Variants in PCCA observed in about 807,000 individuals in gnomAD.
PCCA encodes the protein propionyl-CoA carboxylase subunit alpha, also known as propionyl-CoA carboxylase alpha chain, mitochondrial.
PCCA carries 74 observed loss-of-function variants against 101.3 expected under a neutral mutation model. The observed-to-expected ratio is 0.73, with a 90% CI of 0.61 to 0.89. The LOEUF (loss-of-function observed/expected upper bound fraction) is 0.89, where lower values mean the gene tolerates loss of function less well. PCCA is among the 40% of genes least tolerant of loss of function. The pLI is 0.00. For synonymous variants in PCCA, 294 were observed against 313.6 expected (o/e 0.94, Z 0.66); for missense variants, 891 against 907.0 (o/e 0.98, Z 0.23).
intron 20 of PCCA, among the ~76,000 whole-genome samples, chr13:100,443,020 T>C (rs1384584731): frequency 6.6e-6 from 1 of 152,110 alleles, no homozygotes; most frequent in East Asian, 1.9e-4. Flanking sequence ...TCTATTCATG[T>C]TGTGGAGCGT....
intron 1 of PCCA, among the ~76,000 whole-genome samples, chr13:100,100,085 A>G (rs566295201): frequency 6.6e-6 from 1 of 152,314 alleles, no homozygotes; most frequent in South Asian, 2.1e-4. Context: ...CTGTTTATAA[A>G]AACTCATTTG....
At chr13:100,112,878 C>T (rs949827266) in intron 4 of PCCA, among the ~76,000 whole-genome samples, 1 of 29,814 alleles carries the variant, frequency 3.4e-5, no homozygotes, top group African/African-American at 2.6e-4. Flanking sequence ...ACCCGGCCCA[C>T]AGCAGGGATT....
At chr13:100,174,193 A>G (rs2152419901) in intron 6 of PCCA, among the ~76,000 whole-genome samples, 1 of 152,130 alleles carries the variant, frequency 6.6e-6, no homozygotes, top group Admixed American at 6.5e-5. Flanking sequence ...ATTTAGAGAA[A>G]TAAAATGCTT....
At chr13:100,232,900 G>A (rs2060577189) in intron 7 of PCCA, among the ~76,000 whole-genome samples, 1 of 152,100 alleles carries the variant, frequency 6.6e-6, no homozygotes, top group South Asian at 2.1e-4. Context: ...TAGTGTTGCT[G>A]GGCAGATAGT....
intron 21 of PCCA, among the ~76,000 whole-genome samples, chr13:100,482,572 C>T (rs570196169): frequency 2.0e-5 from 3 of 151,966 alleles, no homozygotes; most frequent in African/African-American, 7.3e-5. Flanking sequence ...ATTGACATAA[C>T]AAGGTTTTTT....
At chr13:100,508,411 G>A (rs910946822) in intron 21 of PCCA, among the ~76,000 whole-genome samples, 7 of 152,142 alleles carry the variant, frequency 4.6e-5, no homozygotes, top group Admixed American at 6.5e-5. Context: ...TCCAGTAAAC[G>A]ACTTAACTCC....
At chr13:100,440,159 TATATATATATATATATATA>T (rs1566307985) in intron 20 of PCCA, among the ~76,000 whole-genome samples, 4 of 1,536 alleles carry the variant, frequency 2.6e-3, no homozygotes, top group African/African-American at 0.022. Flanking sequence ...TATTAAATTA[TATATATATATATATATATA>T]TATATATATA....
chr13:100,361,523 G>A (rs2074594474), intron 18 of PCCA, among the ~76,000 whole-genome samples: 1 of 151,298 alleles, frequency 6.6e-6, no homozygotes, highest in Non-Finnish European at 1.5e-5. Flanking sequence ...GAGAATACTT[G>A]CAATACATAA....
intron 12 of PCCA, among the ~76,000 whole-genome samples, chr13:100,291,864 T>G (rs1183233600): frequency 1.3e-5 from 2 of 152,258 alleles, no homozygotes; most frequent in Non-Finnish European, 2.9e-5. Context: ...AGCCAGTCTG[T>G]CTCCATGATG....
intron 2 of PCCA, among the ~76,000 whole-genome samples, chr13:100,109,906 C>CG (rs2048147755): frequency 6.6e-6 from 1 of 152,072 alleles, no homozygotes; most frequent in South Asian, 2.1e-4. Flanking sequence ...CCGAGGCAGG[C>CG]GGATCACCTG....
At chr13:100,143,627 T>C (rs1316687131) in intron 4 of PCCA, among the ~76,000 whole-genome samples, 1 of 152,014 alleles carries the variant, frequency 6.6e-6, no homozygotes, top group Non-Finnish European at 1.5e-5. Context: ...TTTCTTGAGC[T>C]CCTTCAAAGT....
At chr13:100,165,869 G>A (rs2054987277) in intron 6 of PCCA, among the ~76,000 whole-genome samples, 1 of 151,948 alleles carries the variant, frequency 6.6e-6, no homozygotes, top group Non-Finnish European at 1.5e-5. Context: ...GGGTGACAGA[G>A]CAAGACCCTG....
intron 21 of PCCA, among the ~76,000 whole-genome samples, chr13:100,477,969 C>T (rs118036082): frequency 1.1e-4 from 17 of 152,210 alleles, no homozygotes; most frequent in African/African-American, 3.6e-4. Flanking sequence ...CCCAGCCCTG[C>T]GCTGACGGCC....
Position 100,209,372 on chromosome 13 carries a change from C to T in PCCA, c.509C>T (p.Ala170Val), listed in dbSNP as rs757995710. 1 of 1,612,698 alleles carries T rather than the reference C, an allele frequency of 6.2e-7. No individual in the cohort carries two copies. The highest frequency in any genetic ancestry group is 1.1e-5 in the South Asian group (1 of 91,040). Residue 170 changes from alanine (A) to valine (V), a missense_variant, in exon 7 of 24, where the codon GCT (alanine) becomes GTT (valine). Transcript: ENST00000376285. ...DVVFIGPDTH[A>V]IQAMGDKIES... The stretch of plus-strand genomic sequence containing the variant: ...GTTTTCATTGGACCTGACACACATG[C>T]TATTCAAGCCATGGGCGACAAGATT...
At chr13:100,315,198 T>G (rs1241776880) in intron 16 of PCCA, among the ~76,000 whole-genome samples, 1 of 152,158 alleles carries the variant, frequency 6.6e-6, no homozygotes, top group African/African-American at 2.4e-5. Flanking sequence ...ACTATTTTTT[T>G]GAAATTTTTT....
chr13:100,309,329 G>A (rs1286649685), intron 15 of PCCA, among the ~76,000 whole-genome samples: 12 of 152,172 alleles, frequency 7.9e-5, no homozygotes, highest in Admixed American at 4.6e-4. Context: ...CCTGTGAGGC[G>A]GAGGTTGCAG....
At chr13:100,187,976 C>G (rs2057430246) in intron 6 of PCCA, among the ~76,000 whole-genome samples, 1 of 152,066 alleles carries the variant, frequency 6.6e-6, no homozygotes, top group Non-Finnish European at 1.5e-5. Flanking sequence ...AGCTTAGCTC[C>G]TACTTATGGG....
intron 20 of PCCA, among the ~76,000 whole-genome samples, chr13:100,436,030 C>G (rs986521214): frequency 1.4e-5 from 2 of 147,926 alleles, no homozygotes; most frequent in East Asian, 2.1e-4. Flanking sequence ...GCAACAAGAG[C>G]GAAACTCTGT....
rs954848356 is a variant in PCCA, at chr13:100,262,955, C to A, written c.819+124C>A. 4.6e-5 allele frequency: 28 copies of A among 613,470 alleles called. No individual in the cohort carries two copies. In the Admixed American group the frequency reaches 6.5e-4, roughly 14 times the overall value. The allele number at this position is 613,470 out of a possible 1,614,324, so 38.0% of individuals were successfully genotyped here. ...GTGCCTTTAGAATCTGTTGTACTTT[C>A]CGTTAAAGTGCTAGGATGTTGGTTG... On this transcript the variant is annotated intron_variant, in intron 10 of 23. Transcript: ENST00000376285.
Sources: gnomAD v4.1 joint callset for allele counts (sites outside exome capture counted in the v4.1 genomes callset) on GRCh38, gnomAD v4.1.1 for gene constraint, MANE v1.5 for transcripts, NCBI Gene and HGNC (gene_info 2026-07-23, HGNC 2026-07-21) for gene names.